Variants in NDST3 observed in about 807,000 individuals in gnomAD.
NDST3 encodes the protein bifunctional heparan sulfate N-deacetylase/N-sulfotransferase 3.
NDST3 carries 58 observed loss-of-function variants against 96.1 expected under a neutral mutation model. The ratio of observed to expected loss-of-function variants is 0.60; its 90% CI spans 0.49 to 0.75. The LOEUF is 0.75. Ranked by LOEUF, NDST3 falls within the 30% of genes least tolerant of loss-of-function variation. The pLI is 0.00. For missense variants in NDST3, 788 were observed against 1,034.2 expected, an observed-to-expected ratio of 0.76 and a Z score of 3.27; for synonymous variants, 333 against 359.7, an observed-to-expected ratio of 0.93 and a Z score of 0.84.
At chr4:118,250,454 A>C (rs899825799) in intron 12 of NDST3, among the ~76,000 whole-genome samples, 1 of 151,422 alleles carries the variant, frequency 6.6e-6, no homozygotes, top group Non-Finnish European at 1.5e-5. Context: ...TTGACCATTC[A>C]TATGTGTTCT....
intron 1 of NDST3, among the ~76,000 whole-genome samples, chr4:118,052,153 T>C (rs906996206): frequency 2.0e-5 from 3 of 151,952 alleles, no homozygotes; most frequent in African/African-American, 7.2e-5. Flanking sequence ...CAAGAGTGAA[T>C]TGGATAAAGA....
At chr4:118,045,719 G>C (rs967730357) in intron 1 of NDST3, among the ~76,000 whole-genome samples, 1 of 152,112 alleles carries the variant, frequency 6.6e-6, no homozygotes. Context: ...ACTTGGTACA[G>C]AGGCCCAAAT....
In NDST3 at chr4:118,150,106, C is replaced by T. The variant is rs372691627; in HGVS notation, c.1539+6422C>T. On this transcript the variant is annotated intron_variant, in intron 6 of 13. Transcript: ENST00000296499. ...CAGCCTTGCATCCCAGGGATGAAGC[C>T]CACTTGATCATGGTGGATAAGCTTT... 3.2e-4 allele frequency among the ~76,000 whole-genome samples: 49 copies of T among 151,852 alleles called. 2 individuals carry two copies. In the East Asian group the frequency reaches 8.1e-3, roughly 25 times the overall value.
intron 4 of NDST3, among the ~76,000 whole-genome samples, chr4:118,126,537 C>CAT (rs956364801): frequency 0.012 from 234 of 20,324 alleles, 2 homozygotes; most frequent in Admixed American, 0.022. Context: ...TATATATACA[C>CAT]ATATATATAT....
At chr4:118,063,408 C>G (rs1423910312) in intron 2 of NDST3, among the ~76,000 whole-genome samples, 1 of 152,008 alleles carries the variant, frequency 6.6e-6, no homozygotes, top group African/African-American at 2.4e-5. Context: ...CATAAGATTT[C>G]AAAGGATATG....
In NDST3 at chr4:118,054,568, T is replaced by G; in HGVS notation, c.658T>G (p.Trp220Gly). The G allele has an allele frequency of 6.2e-7, 1 of 1,613,382 alleles. No homozygotes were observed. Among genetic ancestry groups the G allele is most frequent in the Non-Finnish European group, 8.5e-7 (1 of 1,179,502 alleles). Reference sequence around the variant, plus strand: ...AAAAGGTTCTTTACCTGGAACTGACTGGACAGTTTTTCAGATTAATCATTC... The same window carrying G: ...AAAAGGTTCTTTACCTGGAACTGACGGGACAGTTTTTCAGATTAATCATTC... ...LEKGSLPGTD[W>G]TVFQINHSAY... The change falls in exon 2 of 14, where the codon TGG becomes GGG. Residue 220 changes from tryptophan to glycine, a missense_variant. Trp to Gly is a radical substitution (Grantham distance 184, BLOSUM62 -2). Coordinates refer to ENST00000296499, the MANE Select transcript of NDST3 (RefSeq NM_004784.3).
chr4:118,090,151 G>A (rs1314306913), intron 2 of NDST3, among the ~76,000 whole-genome samples: 1 of 151,918 alleles, frequency 6.6e-6, no homozygotes, highest in African/African-American at 2.4e-5. Flanking sequence ...GGAATAAGAA[G>A]CCGTTAAAAC....
At chr4:118,227,014 G>A in intron 8 of NDST3, 32 bp downstream of exon 8, 1 of 1,449,194 alleles carries the variant, frequency 6.9e-7, no homozygotes. Flanking sequence ...ATTAACGAGT[G>A]TAAATTTTCT....
At chr4:118,121,040 T>C (rs1731521866) in intron 4 of NDST3, among the ~76,000 whole-genome samples, 1 of 152,214 alleles carries the variant, frequency 6.6e-6, no homozygotes, top group African/African-American at 2.4e-5. Context: ...AACTAAATGC[T>C]AGCCTTGGAA....
At chr4:118,123,204 T>C (rs1416731689) in intron 4 of NDST3, among the ~76,000 whole-genome samples, 1 of 152,204 alleles carries the variant, frequency 6.6e-6, no homozygotes, top group Non-Finnish European at 1.5e-5. Flanking sequence ...GTGGCTTTTA[T>C]AAATACCAGA....
chr4:118,143,648 A>G lies in NDST3; in HGVS notation c.1503A>G (p.Gln501=). The G allele has an allele frequency of 6.2e-7, 1 of 1,606,466 alleles. No individual in the cohort carries two copies. Among genetic ancestry groups the G allele is most frequent in the East Asian group, 2.2e-5 (1 of 44,662 alleles). ...GGPKELDKSI[Q]GGELFFTVVL... Reference sequence around the variant, plus strand: ...CTAAAGAGCTGGATAAGAGTATCCAAGGAGGAGAACTTTTCTTCACTGTCG... The same window carrying G: ...CTAAAGAGCTGGATAAGAGTATCCAGGGAGGAGAACTTTTCTTCACTGTCG... Residue 501 remains glutamine, a synonymous_variant, in exon 6 of 14, where the codon CAA becomes CAG. Transcript: ENST00000296499.
chr4:118,214,056 T>C (rs1233865469), intron 6 of NDST3, among the ~76,000 whole-genome samples: 1 of 152,058 alleles, frequency 6.6e-6, no homozygotes, highest in Non-Finnish European at 1.5e-5. Flanking sequence ...ATCCTAATAG[T>C]TGTTATGAAA....
intron 1 of NDST3, among the ~76,000 whole-genome samples, chr4:118,051,193 T>A (rs1303553807): frequency 6.6e-6 from 1 of 152,188 alleles, no homozygotes; most frequent in African/African-American, 2.4e-5. Flanking sequence ...ACTGGACCCT[T>A]ACCTTTTACC....
At chr4:118,249,873 C>G (rs57605165) in intron 12 of NDST3, among the ~76,000 whole-genome samples, 18,090 of 151,996 alleles carry the variant, frequency 0.12, 1,356 homozygotes, top group South Asian at 0.19. Flanking sequence ...TACGTACCAC[C>G]AGAATCAAGA....
intron 6 of NDST3, among the ~76,000 whole-genome samples, chr4:118,160,586 T>G (rs568766243): frequency 2.0e-5 from 3 of 152,342 alleles, no homozygotes; most frequent in Non-Finnish European, 4.4e-5. Flanking sequence ...TCACTGATCA[T>G]TAGAAAAATG....
At chr4:118,062,527 T>C (rs1725980717) in intron 2 of NDST3, among the ~76,000 whole-genome samples, 1 of 152,146 alleles carries the variant, frequency 6.6e-6, no homozygotes, top group Non-Finnish European at 1.5e-5. Context: ...CGTGATCATA[T>C]TAAAAATACA....
intron 13 of NDST3, 66 bp from the exon 14 acceptor site, chr4:118,255,527 T>C: frequency 6.8e-7 from 1 of 1,463,334 alleles, no homozygotes; most frequent in Non-Finnish European, 9.3e-7. Context: ...TATTTCAACG[T>C]AGTCAAAGTG....
intron 3 of NDST3, among the ~76,000 whole-genome samples, chr4:118,112,509 G>A (rs925553402): frequency 4.6e-5 from 7 of 152,144 alleles, no homozygotes; most frequent in African/African-American, 1.7e-4. Context: ...CTCTCAATGT[G>A]AGAAAATAAA....
At position 118,073,210 on chromosome 4, in the gene NDST3, GT is replaced by G; in HGVS notation, c.981+18323del. Among the ~76,000 whole-genome samples, 5 of 152,074 alleles carry G rather than the reference GT, an allele frequency of 3.3e-5. No individual in the cohort carries two copies. The South Asian group carries it at 1.0e-3, about 32-fold the overall frequency. The stretch of plus-strand genomic sequence containing the variant: ...TTCTTTTTTACTGTATCTCTGCCAG[GT>G]TTTGGTATCAGAATGATGCTGATCT... On this transcript the variant is annotated intron_variant, in intron 2 of 13. Coordinates refer to ENST00000296499, the MANE Select transcript of NDST3 (RefSeq NM_004784.3).
Sources: gnomAD v4.1 joint callset for allele counts (sites outside exome capture counted in the v4.1 genomes callset) on GRCh38, gnomAD v4.1.1 for gene constraint, MANE v1.5 for transcripts, NCBI Gene and HGNC (gene_info 2026-07-23, HGNC 2026-07-21) for gene names.